Variants in TTC29 observed in about 807,000 individuals in gnomAD.
The protein encoded by TTC29 is tetratricopeptide repeat protein 29.
A neutral mutation model predicts 58.1 loss-of-function variants in TTC29; 49 were observed. The ratio of observed to expected loss-of-function variants is 0.84; its 90% CI spans 0.67 to 1.07. TTC29 has a LOEUF of 1.07. Ranked by LOEUF, TTC29 falls within the 50% of genes least tolerant of loss-of-function variation. The pLI, the probability that TTC29 is intolerant of heterozygous loss-of-function variation, is 0.00. For synonymous variants in TTC29, 209 were observed against 196.8 expected (o/e 1.06, Z -0.52); for missense variants, 582 against 555.6 (o/e 1.05, Z -0.48).
intron 2 of TTC29, among the ~76,000 whole-genome samples, chr4:146,940,110 C>T (rs1447208776): frequency 2.0e-5 from 3 of 152,018 alleles, no homozygotes; most frequent in Non-Finnish European, 4.4e-5. Flanking sequence ...GCTTTTTGGC[C>T]AACTTATTAT....
intron 4 of TTC29, among the ~76,000 whole-genome samples, chr4:146,921,051 A>T (rs551834748): frequency 1.1e-4 from 16 of 151,580 alleles, no homozygotes; most frequent in East Asian, 3.9e-4. Flanking sequence ...CCGAACTGTA[A>T]GTCATGTAAA....
At chr4:146,937,952 G>A (rs1257631019) in intron 3 of TTC29, among the ~76,000 whole-genome samples, 2 of 152,042 alleles carry the variant, frequency 1.3e-5, no homozygotes, top group African/African-American at 4.8e-5. Flanking sequence ...TCTTCTCAAA[G>A]CTTACAAGAC....
chr4:146,809,108 AC>A (rs1750831750), intron 10 of TTC29, among the ~76,000 whole-genome samples: 1 of 150,028 alleles, frequency 6.7e-6, no homozygotes, highest in Non-Finnish European at 1.5e-5. Context: ...CTGATCTTTG[AC>A]AAACCTGACA....
rs559223690 is a variant in TTC29, at chr4:146,927,134, T to A, written c.176+10460A>T. Among the ~76,000 whole-genome samples, 2 of 151,488 alleles carry A rather than the reference T, an allele frequency of 1.3e-5. 1 individual carries two copies. Among genetic ancestry groups the A allele is most frequent in the South Asian group, 4.2e-4 (2 of 4,764 alleles). On this transcript the variant is annotated intron_variant, in intron 4 of 12. Transcript: ENST00000325106. Reference sequence around the variant, plus strand: ...CTTACATTGCAGTTCAGCACATGTATAAATGTGAGTGTAATATATTAAACC... The same window carrying A: ...CTTACATTGCAGTTCAGCACATGTAAAAATGTGAGTGTAATATATTAAACC...
At chr4:146,803,709 TTC>T in intron 10 of TTC29, 24 bp from the exon 11 acceptor site, 2 of 1,508,122 alleles carry the variant, frequency 1.3e-6, no homozygotes, top group Non-Finnish European at 1.8e-6. Context: ...AGAAATAATT[TTC>T]TTTCTTACTT....
intron 10 of TTC29, among the ~76,000 whole-genome samples, chr4:146,810,066 T>C (rs1750908764): frequency 6.6e-6 from 1 of 152,158 alleles, no homozygotes; most frequent in African/African-American, 2.4e-5. Context: ...ATATACACCA[T>C]GGAATACTAT....
intron 9 of TTC29, among the ~76,000 whole-genome samples, chr4:146,830,926 A>G (rs553426474): frequency 6.6e-6 from 1 of 152,332 alleles, no homozygotes; most frequent in East Asian, 1.9e-4. Flanking sequence ...TGCGCTATTC[A>G]GGATGCTGTT....
chr4:146,794,562 C>T (rs1049818353), intron 11 of TTC29, among the ~76,000 whole-genome samples: 3 of 151,964 alleles, frequency 2.0e-5, no homozygotes, highest in African/African-American at 7.2e-5. Flanking sequence ...TTTTCTCACC[C>T]TTTCTTTTCC....
intron 11 of TTC29, among the ~76,000 whole-genome samples, chr4:146,748,835 A>G (rs997095403): frequency 6.6e-6 from 1 of 152,228 alleles, no homozygotes; most frequent in Non-Finnish European, 1.5e-5. Flanking sequence ...AGATGAAACA[A>G]TAAAGGAACA....
At chr4:146,942,416 T>TA (rs911122088) in intron 2 of TTC29, among the ~76,000 whole-genome samples, 1 of 152,194 alleles carries the variant, frequency 6.6e-6, no homozygotes, top group South Asian at 2.1e-4. Context: ...TTTTTTAATT[T>TA]AAAAAATCTA....
rs559778477 is a variant in TTC29, at chr4:146,869,682, T to G, written c.800-2099A>C. On this transcript the variant is annotated intron_variant, in intron 7 of 12. Coordinates refer to ENST00000325106, the MANE Select transcript of TTC29 (RefSeq NM_031956.4). ...AACTGGCCGGGCTGATATGGCACCA[T>G]CATCTGCATCTAATTTTATGTGAGT... is the stretch of plus-strand genomic sequence containing the variant. 1.4e-3 allele frequency among the ~76,000 whole-genome samples: 207 copies of G among 152,110 alleles called. 1 individual carries two copies. The highest frequency in any genetic ancestry group is 6.8e-3 in the Middle Eastern group (2 of 294).
chr4:146,905,069 C>T (rs1160411716), intron 5 of TTC29, among the ~76,000 whole-genome samples: 1 of 152,162 alleles, frequency 6.6e-6, no homozygotes, highest in Admixed American at 6.6e-5. Flanking sequence ...TTCTGCTTTT[C>T]GAGGACACTC....
intron 11 of TTC29, among the ~76,000 whole-genome samples, chr4:146,771,051 A>G (rs1332501501): frequency 6.6e-6 from 1 of 152,056 alleles, no homozygotes; most frequent in Non-Finnish European, 1.5e-5. Context: ...TACTGTTTTG[A>G]TATGTTAATA....
At chr4:146,773,336 A>G (rs1170839758) in intron 11 of TTC29, among the ~76,000 whole-genome samples, 2 of 152,092 alleles carry the variant, frequency 1.3e-5, no homozygotes, top group African/African-American at 4.8e-5. Context: ...ACCATTCAGT[A>G]TGATGTTGGC....
intron 11 of TTC29, among the ~76,000 whole-genome samples, chr4:146,777,364 C>T (rs1748184377): frequency 6.6e-6 from 1 of 151,968 alleles, no homozygotes; most frequent in African/African-American, 2.4e-5. Flanking sequence ...TAGACCCCAA[C>T]TGGTTTTTTA....
At chr4:146,807,594 A>G (rs1750705995) in intron 10 of TTC29, among the ~76,000 whole-genome samples, 1 of 152,244 alleles carries the variant, frequency 6.6e-6, no homozygotes, top group African/African-American at 2.4e-5. Context: ...AACTACCATC[A>G]GAGAATACTA....
chr4:146,880,267 A>AGTTTT (rs1473286304), intron 6 of TTC29, among the ~76,000 whole-genome samples: 1 of 152,170 alleles, frequency 6.6e-6, no homozygotes, highest in Non-Finnish European at 1.5e-5. Flanking sequence ...CCTAAGCCTC[A>AGTTTT]GTTTTGTTTT....
chr4:146,777,522 T>A (rs1748200534), intron 11 of TTC29, among the ~76,000 whole-genome samples: 1 of 152,206 alleles, frequency 6.6e-6, no homozygotes, highest in Non-Finnish European at 1.5e-5. Flanking sequence ...AATTCCCACA[T>A]AATCTTACTA....
At chr4:146,935,301 G>A (rs1016817808) in intron 4 of TTC29, among the ~76,000 whole-genome samples, 4 of 152,178 alleles carry the variant, frequency 2.6e-5, no homozygotes, top group African/African-American at 7.2e-5. Flanking sequence ...CAGAGCATAT[G>A]TGTACTATGG....
Sources: gnomAD v4.1 joint callset for allele counts (sites outside exome capture counted in the v4.1 genomes callset) on GRCh38, gnomAD v4.1.1 for gene constraint, MANE v1.5 for transcripts, NCBI Gene and HGNC (gene_info 2026-07-23, HGNC 2026-07-21) for gene names.